PTPRM: variants seen among roughly 807,000 people sequenced by gnomAD.
PTPRM encodes protein tyrosine phosphatase receptor type M.
In PTPRM, 47 loss-of-function variants were observed where a neutral mutation model predicts 186.7. The ratio of observed to expected loss-of-function variants is 0.25; its 90% CI spans 0.20 to 0.32. The LOEUF is 0.32. PTPRM is among the 10% of genes least tolerant of loss of function. The probability of loss-of-function intolerance (pLI) is 1.00; values close to 1 mark genes in which losing one functional copy is unlikely to be tolerated. For synonymous variants in PTPRM, 668 were observed against 674.9 expected (o/e 0.99, Z 0.16); for missense variants, 1,494 against 1,865.0 (o/e 0.80, Z 3.66).
intron 2 of PTPRM, among the ~76,000 whole-genome samples, chr18:7,802,728 A>G (rs943224139): frequency 2.0e-5 from 3 of 152,214 alleles, no homozygotes; most frequent in Non-Finnish European, 2.9e-5. Flanking sequence ...GAAAGCTAGT[A>G]TATTTCATTT....
intron 4 of PTPRM, among the ~76,000 whole-genome samples, chr18:7,915,278 A>T (rs543707892): frequency 6.6e-6 from 1 of 152,174 alleles, no homozygotes; most frequent in Admixed American, 6.5e-5. Flanking sequence ...AATCTCCTAC[A>T]GGTTTTAGAA....
chr18:7,864,758 A>G (rs902487758), intron 2 of PTPRM, among the ~76,000 whole-genome samples: 1 of 152,138 alleles, frequency 6.6e-6, no homozygotes, highest in African/African-American at 2.4e-5. Flanking sequence ...CTTGATGGGG[A>G]TAGCATTGAA....
At chr18:8,346,940 C>T (rs1286728493) in intron 23 of PTPRM, among the ~76,000 whole-genome samples, 1 of 152,222 alleles carries the variant, frequency 6.6e-6, no homozygotes, top group African/African-American at 2.4e-5. Context: ...GAGTACCTCG[C>T]CATAGTGTCA....
intron 2 of PTPRM, among the ~76,000 whole-genome samples, chr18:7,806,221 C>G (rs1250800891): frequency 6.6e-6 from 1 of 152,164 alleles, no homozygotes; most frequent in Non-Finnish European, 1.5e-5. Flanking sequence ...GAACTAATGT[C>G]AAATTTGGTC....
At chr18:7,976,232 T>C (rs148770470) in intron 7 of PTPRM, among the ~76,000 whole-genome samples, 26 of 152,256 alleles carry the variant, frequency 1.7e-4, no homozygotes, top group Non-Finnish European at 3.7e-4. Flanking sequence ...CCCATGACTA[T>C]ATATGACATT....
At chr18:7,791,516 A>G (rs1182574119) in intron 2 of PTPRM, among the ~76,000 whole-genome samples, 1 of 152,210 alleles carries the variant, frequency 6.6e-6, no homozygotes, top group Non-Finnish European at 1.5e-5. Flanking sequence ...CCAAGATTCT[A>G]GATGTCAAGT....
At chr18:8,022,660 C>A (rs2085306806) in intron 7 of PTPRM, among the ~76,000 whole-genome samples, 1 of 152,110 alleles carries the variant, frequency 6.6e-6, no homozygotes, top group African/African-American at 2.4e-5. Flanking sequence ...CAGCTCCTAA[C>A]TGCGCTCCTA....
chr18:7,679,597 A>G (rs1302285065), intron 1 of PTPRM, among the ~76,000 whole-genome samples: 2 of 152,210 alleles, frequency 1.3e-5, no homozygotes, highest in African/African-American at 4.8e-5. Context: ...CCCGGGAGGC[A>G]GAGGTTACAG....
chr18:8,387,628 C>G (rs2095785203), intron 31 of PTPRM, among the ~76,000 whole-genome samples: 1 of 152,116 alleles, frequency 6.6e-6, no homozygotes, highest in Non-Finnish European at 1.5e-5. Flanking sequence ...TCATGGAAAT[C>G]AACAAATGCT....
At chr18:7,621,209 T>C (rs937080570) in intron 1 of PTPRM, among the ~76,000 whole-genome samples, 2 of 152,140 alleles carry the variant, frequency 1.3e-5, no homozygotes, top group African/African-American at 4.8e-5. Context: ...TTGCCCAAGG[T>C]CACATAGCTA....
At chr18:8,360,417 C>T (rs560169070) in intron 23 of PTPRM, among the ~76,000 whole-genome samples, 3 of 152,284 alleles carry the variant, frequency 2.0e-5, no homozygotes, top group Admixed American at 6.5e-5. Flanking sequence ...CCTTCATACC[C>T]GACAAGAAGA....
At chr18:7,795,732 T>C (rs1291089450) in intron 2 of PTPRM, among the ~76,000 whole-genome samples, 1 of 152,128 alleles carries the variant, frequency 6.6e-6, no homozygotes, top group Admixed American at 6.5e-5. Flanking sequence ...CTAGTTTACA[T>C]TGTATATTTG....
intron 1 of PTPRM, among the ~76,000 whole-genome samples, chr18:7,642,864 AAAAG>A (rs202043230): frequency 0.017 from 2,504 of 150,538 alleles, 76 homozygotes; most frequent in African/African-American, 0.057. Flanking sequence ...AAAAAAAAAA[AAAAG>A]AAGAAGAAAG....
chr18:7,914,727 T>C (rs573969662), intron 4 of PTPRM, among the ~76,000 whole-genome samples: 2 of 152,270 alleles, frequency 1.3e-5, no homozygotes, highest in East Asian at 1.9e-4. Context: ...GGAAGTTTAA[T>C]TGTATGTCCA....
intron 10 of PTPRM, 111 bp from the exon 11 acceptor site, chr18:8,088,638 T>A: frequency 1.2e-6 from 1 of 841,296 alleles, no homozygotes; most frequent in South Asian, 1.5e-5. Flanking sequence ...ATAGCTGCAA[T>A]GTAAAGTAAA....
intron 14 of PTPRM, among the ~76,000 whole-genome samples, chr18:8,212,048 G>A (rs986173957): frequency 2.6e-5 from 4 of 152,108 alleles, no homozygotes; most frequent in Non-Finnish European, 5.9e-5. Context: ...GGTGAGAAGA[G>A]AGACCAGGAC....
At chr18:8,337,835 C>T (rs932850645) in intron 22 of PTPRM, among the ~76,000 whole-genome samples, 3 of 152,166 alleles carry the variant, frequency 2.0e-5, no homozygotes, top group Non-Finnish European at 4.4e-5. Context: ...TGCCCTGACA[C>T]AGTCCAGGCA....
intron 14 of PTPRM, among the ~76,000 whole-genome samples, chr18:8,240,653 GAAAGAA>G (rs1378902956): frequency 0.016 from 276 of 17,500 alleles, 23 homozygotes; most frequent in Non-Finnish European, 0.022. Flanking sequence ...GAGAGAGAGA[GAAAGAA>G]AGAAAGAAAG....
intron 1 of PTPRM, among the ~76,000 whole-genome samples, chr18:7,582,858 C>G (rs532654838): frequency 6.6e-6 from 1 of 152,260 alleles, no homozygotes; most frequent in East Asian, 1.9e-4. Flanking sequence ...GAATTTTTTT[C>G]AATCCCTGTG....
Sources: allele counts gnomAD v4.1 joint callset (sites outside exome capture counted in the v4.1 genomes callset), GRCh38; gene constraint gnomAD v4.1.1; transcripts MANE v1.5; gene names NCBI Gene and HGNC (gene_info 2026-07-23, HGNC 2026-07-21).